The following TUBB4B variants were observed in gnomAD, a reference collection of about 807,000 sequenced individuals.
TUBB4B encodes tubulin beta-4B chain.
A neutral mutation model predicts 34.3 loss-of-function variants in TUBB4B; 7 were observed. The observed-to-expected ratio is 0.20, with a 90% CI of 0.12 to 0.38. The LOEUF (loss-of-function observed/expected upper bound fraction) is 0.38. Among genes scored for constraint, TUBB4B ranks in the 10% least tolerant of loss-of-function variants. The pLI is 1.00. For synonymous variants in TUBB4B, 390 were observed against 250.2 expected (o/e 1.56, Z -5.27); for missense variants, 178 against 610.9 (o/e 0.29, Z 7.47).
rs1836783144 is a variant in TUBB4B, at chr9:137,242,680, G to A, written c.462G>A (p.Lys154=). The part of the protein sequence containing the change: ...GSGMGTLLIS[K]IREEYPDRIM... ...GGATGGGTACCCTCCTCATCAGCAA[G>A]ATCCGGGAGGAGTACCCAGACAGGA... The change falls in exon 4 of 4, where the codon AAG becomes AAA. Residue 154 remains lysine, a synonymous_variant. Coordinates refer to ENST00000340384, the MANE Select transcript of TUBB4B (RefSeq NM_006088.6). 11 of 1,613,724 alleles carry A rather than the reference G, an allele frequency of 6.8e-6. No homozygotes were observed. Among genetic ancestry groups the A allele is most frequent in the Non-Finnish European group, 9.3e-6 (11 of 1,180,014 alleles).
Position 137,243,325 on chromosome 9 carries a change from C to A in TUBB4B, c.1107C>A (p.Gly369=). 1 of 1,613,630 alleles carries A rather than the reference C, an allele frequency of 6.2e-7. No individual in the cohort carries two copies. Among genetic ancestry groups the A allele is most frequent in the Non-Finnish European group, 8.5e-7 (1 of 1,180,044 alleles). ...RGLKMSATFI[G]NSTAIQELFK... ...TAAAAATGTCCGCCACCTTCATTGG[C>A]AACAGCACGGCCATCCAGGAGCTGT... is the stretch of plus-strand genomic sequence containing the variant. The change falls in exon 4 of 4, where the codon GGC becomes GGA. Residue 369 remains glycine (G), a synonymous_variant. Transcript: ENST00000340384.
Position 137,243,538 on chromosome 9 carries a change from TGAG to T in TUBB4B, c.1328_1330del (p.Glu443del), listed in dbSNP as rs778608897. ...AGGAGGGCGAGTTCGAGGAGGAGGC[TGAG>T]GAGGAGGTGGCCTAGAGCCTTCAGT... On this transcript the variant is annotated inframe_deletion, in exon 4 of 4. Transcript: ENST00000340384. 11 of 1,613,854 alleles carry T rather than the reference TGAG, an allele frequency of 6.8e-6. No individual in the cohort carries two copies. In the Admixed American group the frequency reaches 1.5e-4, roughly 22 times the overall value.
At position 137,243,214 on chromosome 9, in the gene TUBB4B, T is replaced by C. The variant is rs764136049; in HGVS notation, c.996T>C (p.Asn332=). The C allele has an allele frequency of 3.1e-5, 50 of 1,613,206 alleles. No homozygotes were observed. The highest frequency in any genetic ancestry group is 4.0e-5 in the Non-Finnish European group (47 of 1,180,020). The part of the protein sequence containing the change: ...SMKEVDEQML[N]VQNKNSSYFV... ...AGGAGGTGGATGAGCAAATGCTTAA[T>C]GTCCAAAACAAAAACAGCAGCTATT... Residue 332 remains asparagine (N), a synonymous_variant, in exon 4 of 4, where the codon AAT becomes AAC. Transcript: ENST00000340384.
chr9:137,242,114 A>T (rs1288437686), intron 3 of TUBB4B, 93 bp downstream of exon 3: 2 of 1,262,658 alleles, frequency 1.6e-6, no homozygotes, highest in African/African-American at 1.5e-5. Flanking sequence ...GGGCCCCTGG[A>T]CGCCCTCCTC....
At position 137,241,423 on chromosome 9, in the gene TUBB4B, T is replaced by C. The variant is rs750293652; in HGVS notation, c.57+6T>C. Reference sequence around the variant, plus strand: ...GCAACCAAATCGGCGCCAAGGTAAGTTGCCGGGGCGCTGGGGCCAGGCGGG... The same window carrying C: ...GCAACCAAATCGGCGCCAAGGTAAGCTGCCGGGGCGCTGGGGCCAGGCGGG... On this transcript the variant is annotated splice_donor_region_variant and intron_variant, in intron 1 of 3. Coordinates refer to ENST00000340384, the MANE Select transcript of TUBB4B (RefSeq NM_006088.6). 6.3e-7 allele frequency: 1 copy of C among 1,584,128 alleles called. No homozygotes were observed. Among genetic ancestry groups the C allele is most frequent in the Non-Finnish European group, 8.6e-7 (1 of 1,167,912 alleles).
Position 137,241,327 on chromosome 9 carries a change from T to A in TUBB4B, c.-34T>A. On this transcript the variant is annotated 5_prime_UTR_variant, in exon 1 of 4. Transcript: ENST00000340384. Reference sequence around the variant, plus strand: ...CGCTCTTCTGCTGCTGTTTGTCTACTTCCTCCTGCTTCCCCGCCGCCGCCG... The same window carrying A: ...CGCTCTTCTGCTGCTGTTTGTCTACATCCTCCTGCTTCCCCGCCGCCGCCG... 3.8e-6 allele frequency: 6 copies of A among 1,586,894 alleles called. No homozygotes were observed. Among genetic ancestry groups the A allele is most frequent in the South Asian group, 1.1e-5 (1 of 89,896 alleles).
chr9:137,241,755 A>T lies in TUBB4B; in HGVS notation c.92A>T (p.Asp31Val), dbSNP rs1391469207. 1 of 1,611,918 alleles carries T rather than the reference A, an allele frequency of 6.2e-7. No homozygotes were observed. Among genetic ancestry groups the T allele is most frequent in the South Asian group, 1.1e-5 (1 of 91,070 alleles). The change falls in exon 2 of 4, where the codon GAC becomes GTC. Residue 31 changes from aspartate to valine, a missense_variant. Physicochemically the swap from Asp to Val is radical, Grantham distance 152. Transcript: ENST00000340384. ...WEVISDEHGI[D>V]PTGTYHGDSD... Reference sequence around the variant, plus strand: ...GTGATCAGCGATGAGCACGGCATCGACCCCACGGGCACCTACCACGGGGAC... The same window carrying T: ...GTGATCAGCGATGAGCACGGCATCGTCCCCACGGGCACCTACCACGGGGAC...
At chr9:137,242,234 C>T (rs993811140) in intron 3 of TUBB4B, 23 of 659,328 alleles carry the variant, frequency 3.5e-5, no homozygotes, top group South Asian at 2.6e-4. Context: ...GGGAGCTGAG[C>T]TGGGGCAGTG....
chr9:137,243,442 C>T lies in TUBB4B; in HGVS notation c.1224C>T (p.Phe408=), dbSNP rs760116009. ...GCGAGGGCATGGACGAGATGGAGTT[C>T]ACCGAGGCCGAGAGCAACATGAATG... The part of the protein sequence containing the change: ...YTGEGMDEME[F]TEAESNMNDL... Residue 408 remains phenylalanine, a synonymous_variant, in exon 4 of 4, where the codon TTC becomes TTT. Coordinates refer to ENST00000340384, the MANE Select transcript of TUBB4B (RefSeq NM_006088.6). 1.2e-6 allele frequency: 2 copies of T among 1,613,680 alleles called. No individual in the cohort carries two copies. The highest frequency in any genetic ancestry group is 1.1e-5 in the South Asian group (1 of 91,090).
intron 3 of TUBB4B, chr9:137,242,260 T>C (rs1588858389): frequency 1.5e-6 from 1 of 665,942 alleles, no homozygotes; most frequent in South Asian, 2.0e-5. Flanking sequence ...TCCTCTGTCC[T>C]TGGGAATTGG....
chr9:137,241,879 C>T (rs775353816), intron 2 of TUBB4B, 32 bp from the exon 3 acceptor site: 15 of 1,611,216 alleles, frequency 9.3e-6, no homozygotes, highest in Non-Finnish European at 1.2e-5. Flanking sequence ...CCCGCGGCCC[C>T]TGCCTTGGCT....
Position 137,241,535 on chromosome 9 carries a change from C to T in TUBB4B, c.57+118C>T, listed in dbSNP as rs1836741387. The T allele has an allele frequency of 1.9e-5, 19 of 987,140 alleles. No homozygotes were observed. The South Asian group carries it at 6.2e-4, about 32-fold the overall frequency. The allele number at this position is 987,140 out of a possible 1,614,324, so 61.1% of individuals were successfully genotyped here. ...CCCCGCATTGCGGCCGCCGGGCCCC[C>T]TCCGCGGGGAATTGGCCGAGCCGGG... On this transcript the variant is annotated intron_variant, in intron 1 of 3. Coordinates refer to ENST00000340384, the MANE Select transcript of TUBB4B (RefSeq NM_006088.6).
intron 1 of TUBB4B, 70 bp from the exon 2 acceptor site, chr9:137,241,651 G>C (rs1836746914): frequency 1.6e-6 from 2 of 1,227,580 alleles, no homozygotes; most frequent in African/African-American, 3.2e-5. Flanking sequence ...CCGGGGCGGG[G>C]CTGCCTCCCT....
At position 137,241,996 on chromosome 9, in the gene TUBB4B, C is replaced by A. The variant is rs143366417; in HGVS notation, c.252C>A (p.Ile84=). The A allele has an allele frequency of 1.9e-4, 312 of 1,610,760 alleles. No individual in the cohort carries two copies. The highest frequency in any genetic ancestry group is 2.4e-4 in the Non-Finnish European group (285 of 1,179,748). ...TGCGCTCGGGGCCCTTCGGGCAGAT[C>A]TTCCGGCCGGACAACTTCGTTTTCG... ...DSVRSGPFGQ[I]FRPDNFVFGQ... is the part of the protein sequence containing the mutation. The change falls in exon 3 of 4, where the codon ATC becomes ATA. Residue 84 remains isoleucine (I), a synonymous_variant. Transcript: ENST00000340384.
Position 137,242,829 on chromosome 9 carries a change from A to G in TUBB4B, c.611A>G (p.Asn204Ser), listed in dbSNP as rs1564426860. The change falls in exon 4 of 4, where the codon AAC becomes AGC. Residue 204 changes from asparagine (N) to serine (S), a missense_variant. Asn to Ser is a conservative substitution (Grantham distance 46). Coordinates refer to ENST00000340384, the MANE Select transcript of TUBB4B (RefSeq NM_006088.6). Reference sequence around the variant, plus strand: ...ACAGACGAGACCTACTGCATTGATAACGAAGCTCTCTACGACATTTGCTTC... The same window carrying G: ...ACAGACGAGACCTACTGCATTGATAGCGAAGCTCTCTACGACATTTGCTTC... ...ENTDETYCID[N>S]EALYDICFRT... The G allele has an allele frequency of 6.2e-7, 1 of 1,613,800 alleles. No homozygotes were observed. The highest frequency in any genetic ancestry group is 1.7e-5 in the Admixed American group (1 of 60,024).
chr9:137,242,210 G>T, intron 3 of TUBB4B, 189 bp downstream of exon 3: 1 of 676,648 alleles, frequency 1.5e-6, no homozygotes, highest in Non-Finnish European at 2.5e-6. Flanking sequence ...CGCCACACAC[G>T]TAATCTCCCT....
Position 137,243,139 on chromosome 9 carries a change from T to G in TUBB4B, c.921T>G (p.His307Gln). Residue 307 changes from histidine (H) to glutamine (Q), a missense_variant, in exon 4 of 4, where the codon CAT becomes CAG. Coordinates refer to ENST00000340384, the MANE Select transcript of TUBB4B (RefSeq NM_006088.6). ...KNMMAACDPR[H>Q]GRYLTVAAVF... is the part of the protein sequence containing the mutation. ...TGATGGCTGCCTGCGACCCCCGCCA[T>G]GGCCGCTACCTGACGGTTGCCGCCG... is the stretch of plus-strand genomic sequence containing the variant. 6.2e-7 allele frequency: 1 copy of G among 1,613,066 alleles called. No homozygotes were observed. Among genetic ancestry groups the G allele is most frequent in the Non-Finnish European group, 8.5e-7 (1 of 1,180,032 alleles).
rs1836806548 is a variant in TUBB4B at position 137,243,615 on chromosome 9, C to T, written c.*59C>T. The T allele has an allele frequency of 3.7e-6, 6 of 1,612,608 alleles. No homozygotes were observed. Among genetic ancestry groups the T allele is most frequent in the South Asian group, 2.2e-5 (2 of 91,080 alleles). On this transcript the variant is annotated 3_prime_UTR_variant, in exon 4 of 4. Transcript: ENST00000340384. ...TGTGAACTCTTTATTCACTCCCAGC[C>T]TGTCCTGTGGCCTGTCCCACTGTGT...
chr9:137,243,564 A>G lies in TUBB4B; in HGVS notation c.*8A>G, dbSNP rs1564427378. On this transcript the variant is annotated 3_prime_UTR_variant, in exon 4 of 4. Coordinates refer to ENST00000340384, the MANE Select transcript of TUBB4B (RefSeq NM_006088.6). ...GAGGAGGAGGTGGCCTAGAGCCTTCAGTCACTGGGGAAAGCAGGGAAGCAG... is the reference window on the plus strand; with the variant it reads ...GAGGAGGAGGTGGCCTAGAGCCTTCGGTCACTGGGGAAAGCAGGGAAGCAG... 1 of 1,613,764 alleles carries G rather than the reference A, an allele frequency of 6.2e-7. No individual in the cohort carries two copies. Among genetic ancestry groups the G allele is most frequent in the Non-Finnish European group, 8.5e-7 (1 of 1,179,764 alleles).
Sources: gnomAD v4.1 joint callset for allele counts on GRCh38, gnomAD v4.1.1 for gene constraint, MANE v1.5 for transcripts, NCBI Gene and HGNC (gene_info 2026-07-23, HGNC 2026-07-21) for gene names.